N4BP2: variants seen among roughly 807,000 people sequenced by gnomAD.
N4BP2 encodes the protein NEDD4 binding protein 2, also known as NEDD4-binding protein 2.
Under a neutral mutation model 152.8 loss-of-function variants are expected in N4BP2, and 91 were observed. That is an observed-to-expected ratio of 0.60 (90% CI 0.50 to 0.71). The LOEUF is 0.71. N4BP2 is among the 30% of genes least tolerant of loss of function. The pLI, the probability that N4BP2 is intolerant of heterozygous loss-of-function variation, is 0.00. For synonymous variants in N4BP2, 646 were observed against 705.3 expected, an observed-to-expected ratio of 0.92 and a Z score of 1.33; for missense variants, 1,923 against 2,059.1, an observed-to-expected ratio of 0.93 and a Z score of 1.28.
At chr4:40,107,685 A>G (rs1300908806) in intron 5 of N4BP2, among the ~76,000 whole-genome samples, 7 of 152,284 alleles carry the variant, frequency 4.6e-5, no homozygotes, top group African/African-American at 1.4e-4. Flanking sequence ...TGCGTGGCCT[A>G]TAACTGTATA....
chr4:40,179,192 C>T, the N4BP2 span, among the ~76,000 whole-genome samples: 4 of 152,034 alleles, frequency 2.6e-5, no homozygotes, highest in Non-Finnish European at 5.9e-5. Context: ...CATGGTGAAA[C>T]CCTGACTCTA....
chr4:40,087,009 A>G (rs979019308), intron 2 of N4BP2, among the ~76,000 whole-genome samples: 7 of 152,140 alleles, frequency 4.6e-5, no homozygotes, highest in African/African-American at 1.7e-4. Flanking sequence ...TCAGCCTCCT[A>G]AAGTGCTGGC....
chr4:40,064,892 C>G (rs1050128435), intron 1 of N4BP2, among the ~76,000 whole-genome samples: 1 of 152,040 alleles, frequency 6.6e-6, no homozygotes, highest in Non-Finnish European at 1.5e-5. Flanking sequence ...GCCTCAGCCT[C>G]CTGTACTCAG....
At chr4:40,141,226 C>A (rs567170795) in intron 14 of N4BP2, among the ~76,000 whole-genome samples, 10 of 151,836 alleles carry the variant, frequency 6.6e-5, no homozygotes, top group Non-Finnish European at 1.0e-4. Flanking sequence ...GGGCTGACCC[C>A]CCCACCTCCC....
chr4:40,077,036 G>A (rs543671804), intron 2 of N4BP2, among the ~76,000 whole-genome samples: 1 of 151,432 alleles, frequency 6.6e-6, no homozygotes, highest in East Asian at 1.9e-4. Context: ...TTTTTTGTTT[G>A]TTTCTTTTTT....
At chr4:40,153,867 G>A (rs1721377691) in intron 17 of N4BP2, among the ~76,000 whole-genome samples, 1 of 152,020 alleles carries the variant, frequency 6.6e-6, no homozygotes, top group Non-Finnish European at 1.5e-5. Flanking sequence ...ATTTCTTCTT[G>A]GTGCTTTCAT....
chr4:40,082,224 C>T (rs925527136), intron 2 of N4BP2, among the ~76,000 whole-genome samples: 3 of 138,206 alleles, frequency 2.2e-5, no homozygotes, highest in South Asian at 4.5e-4. Context: ...TGCAGTGAGC[C>T]GAGATGGCGC....
rs139660897 is a variant in N4BP2 at position 40,119,845 on chromosome 4, C to T, written c.1821-87C>T. 5.2e-4 allele frequency: 319 copies of T among 612,072 alleles called. No individual in the cohort carries two copies. In the African/African-American group the frequency reaches 5.5e-3, roughly 10 times the overall value. 37.9% of individuals were successfully genotyped at this position (612,072 alleles called of 1,614,324 possible). A position where few individuals can be genotyped will look rare whatever the true frequency, so the allele number is the denominator to read the frequency against. ...AAATTTTCAGAATAACTGTTAAGTGCCCTGTCAATTAATGCTTCTTTAAAT... is the reference window on the plus strand; with the variant it reads ...AAATTTTCAGAATAACTGTTAAGTGTCCTGTCAATTAATGCTTCTTTAAAT... On this transcript the variant is annotated intron_variant, in intron 8 of 17. Coordinates refer to ENST00000261435, the MANE Select transcript of N4BP2 (RefSeq NM_018177.6).
intron 16 of N4BP2, among the ~76,000 whole-genome samples, chr4:40,148,491 G>A (rs574511744): frequency 6.7e-6 from 1 of 148,926 alleles, no homozygotes; most frequent in South Asian, 2.1e-4. Flanking sequence ...GGAGGGGGAG[G>A]GGGAGAGGGA....
chr4:40,165,036 C>G, the N4BP2 span, among the ~76,000 whole-genome samples: 1 of 151,548 alleles, frequency 6.6e-6, no homozygotes, highest in Non-Finnish European at 1.5e-5. Context: ...TATTTTTTTT[C>G]AAAAATAATT....
chr4:40,066,724 T>C (rs1462515743), intron 1 of N4BP2, among the ~76,000 whole-genome samples: 4 of 152,200 alleles, frequency 2.6e-5, no homozygotes, highest in Non-Finnish European at 5.9e-5. Context: ...CATAGTTTTT[T>C]TAGTTGGGGA....
At chr4:40,123,692 C>T (rs1718141021) in intron 10 of N4BP2, among the ~76,000 whole-genome samples, 2 of 151,990 alleles carry the variant, frequency 1.3e-5, no homozygotes, top group South Asian at 2.1e-4. Context: ...ACTATGTTGC[C>T]CAGGTTGGTT....
intron 2 of N4BP2, among the ~76,000 whole-genome samples, chr4:40,087,755 G>A (rs1340585704): frequency 6.6e-6 from 1 of 151,646 alleles, no homozygotes; most frequent in Non-Finnish European, 1.5e-5. Context: ...CTTTTTTTTA[G>A]ATTTTTTTAT....
At chr4:40,088,141 A>G (rs549316698) in intron 2 of N4BP2, among the ~76,000 whole-genome samples, 1 of 152,298 alleles carries the variant, frequency 6.6e-6, no homozygotes, top group Admixed American at 6.5e-5. Context: ...ATTGCTGACT[A>G]GTATTTCATG....
At chr4:40,116,331 T>A (rs1178027782) in intron 7 of N4BP2, among the ~76,000 whole-genome samples, 1 of 152,148 alleles carries the variant, frequency 6.6e-6, no homozygotes, top group Non-Finnish European at 1.5e-5. Context: ...TAATTGATCT[T>A]GTCTCATTCT....
chr4:40,097,732 T>G (rs1230720939), intron 3 of N4BP2, among the ~76,000 whole-genome samples, 163 bp downstream of exon 3: 1 of 152,194 alleles, frequency 6.6e-6, no homozygotes, highest in Non-Finnish European at 1.5e-5. Flanking sequence ...TGAGTTGGTA[T>G]TTGGGATATG....
chr4:40,063,308 CT>C lies in N4BP2; in HGVS notation c.-212+6281del, dbSNP rs1733801471. ...TGGCCATGAAGAGCTAGGGTGGGAACTTTCCCATAGTTGGGACCTTTCCGTA... is the reference window on the plus strand; with the variant it reads ...TGGCCATGAAGAGCTAGGGTGGGAACTTCCCATAGTTGGGACCTTTCCGTA... On this transcript the variant is annotated intron_variant, in intron 1 of 17. Transcript: ENST00000261435. 2.6e-5 allele frequency among the ~76,000 whole-genome samples: 4 copies of C among 152,210 alleles called. No individual in the cohort carries two copies. In the South Asian group the frequency reaches 8.3e-4, roughly 32 times the overall value.
At chr4:40,137,179 C>A in intron 14 of N4BP2, 97 bp downstream of exon 14, 1 of 983,652 alleles carries the variant, frequency 1.0e-6, no homozygotes, top group Non-Finnish European at 1.4e-6. Context: ...TTATTTCTCA[C>A]CATTTTGACT....
chr4:40,119,982 C>T lies in N4BP2; in HGVS notation c.1871C>T (p.Ser624Phe). 2 of 1,525,686 alleles carry T rather than the reference C, an allele frequency of 1.3e-6. No individual in the cohort carries two copies. The highest frequency in any genetic ancestry group is 1.8e-6 in the Non-Finnish European group (2 of 1,122,266). 94.5% of individuals were successfully genotyped at this position (1,525,686 alleles called of 1,614,324 possible). Residue 624 changes from serine (S) to phenylalanine (F), a missense_variant, in exon 9 of 18, where the codon TCT becomes TTT. By Grantham distance (155) the Ser-to-Phe change is radical (BLOSUM62 -2). Transcript: ENST00000261435. The stretch of plus-strand genomic sequence containing the variant: ...TCTGAAAAAGAAGAAAATATTTTAT[C>T]TTTATCTTTGAAGCATCTAGAGTTC... ...IISEKEENIL[S>F]LSLKHLEFTE...
Sources: allele counts gnomAD v4.1 joint callset (sites outside exome capture counted in the v4.1 genomes callset), GRCh38; gene constraint gnomAD v4.1.1; transcripts MANE v1.5; gene names NCBI Gene and HGNC (gene_info 2026-07-23, HGNC 2026-07-21).